Variants in STARD9 observed in about 807,000 individuals in gnomAD.
STARD9 encodes the protein StAR related lipid transfer domain containing 9.
A neutral mutation model predicts 399.8 loss-of-function variants in STARD9; 346 were observed. The ratio of observed to expected loss-of-function variants is 0.87; its 90% CI spans 0.79 to 0.95. The LOEUF is 0.95. Ranked by LOEUF, STARD9 falls within the 40% of genes least tolerant of loss-of-function variation. STARD9 has a pLI of 0.00. For missense variants in STARD9, 5,832 were observed against 5,667.5 expected (o/e 1.03, Z -0.93); for synonymous variants, 2,203 against 2,143.5 (o/e 1.03, Z -0.77).
At position 42,638,811 on chromosome 15, in the gene STARD9, A is replaced by C; in HGVS notation, c.558A>C (p.Gln186His). Residue 186 changes from glutamine (Q) to histidine (H), a missense_variant and splice_region_variant, in exon 7 of 33, where the codon CAA (glutamine) becomes CAC (histidine). Gln to His is a conservative substitution (Grantham distance 24). Around this residue, in one of 2 missense-constraint regions of STARD9, gnomAD observed 5,828 missense variants for 5,651.1 expected, o/e 1.03. Coordinates refer to ENST00000290607, the MANE Select transcript of STARD9 (RefSeq NM_020759.3). ...ATCCAGAGATGGGGCCCTATGTACA[A>C]GGTGAGCTACTGTGGTCCTGGAGAT... ...REHPEMGPYVQGLSQHVVTNY... is the reference protein window; with the variant it reads ...REHPEMGPYVHGLSQHVVTNY... The C allele has an allele frequency of 1.3e-6, 2 of 1,520,846 alleles. No individual in the cohort carries two copies. Among genetic ancestry groups the C allele is most frequent in the Non-Finnish European group, 1.8e-6 (2 of 1,135,016 alleles). 94.2% of individuals were successfully genotyped at this position (1,520,846 alleles called of 1,614,324 possible). A position where few individuals can be genotyped will look rare whatever the true frequency, so the allele number is the denominator to read the frequency against.
At chr15:42,676,804 C>T (rs1436693111) in intron 20 of STARD9, among the ~76,000 whole-genome samples, 1 of 152,134 alleles carries the variant, frequency 6.6e-6, no homozygotes, top group Non-Finnish European at 1.5e-5. Flanking sequence ...GGCTGCCAAA[C>T]ACCTTGAGCA....
intron 3 of STARD9, among the ~76,000 whole-genome samples, chr15:42,634,560 T>C (rs1279365662): frequency 6.6e-6 from 1 of 152,236 alleles, no homozygotes; most frequent in South Asian, 2.1e-4. Flanking sequence ...TGCATATCTT[T>C]GCTCTTCTAC....
At chr15:42,642,146 C>A (rs1234787637) in intron 7 of STARD9, among the ~76,000 whole-genome samples, 1 of 152,194 alleles carries the variant, frequency 6.6e-6, no homozygotes, top group Admixed American at 6.5e-5. Context: ...AAAGTGGTTT[C>A]TGGCATGAAA....
In STARD9 at chr15:42,690,657, C is replaced by G. The variant is rs1346286437; in HGVS notation, c.9079C>G (p.Pro3027Ala). 4.6e-6 allele frequency: 7 copies of G among 1,537,162 alleles called. No individual in the cohort carries two copies. Among genetic ancestry groups the G allele is most frequent in the Non-Finnish European group, 6.1e-6 (7 of 1,146,892 alleles). The change falls in exon 23 of 33, where the codon CCC becomes GCC. Residue 3027 changes from proline (P) to alanine (A), a missense_variant. Transcript: ENST00000290607. Reference sequence around the variant, plus strand: ...TGTGCACTTGACACATGGCCTTGAGCCCAAAGATGTTAACAGGGAATTTAG... The same window carrying G: ...TGTGCACTTGACACATGGCCTTGAGGCCAAAGATGTTAACAGGGAATTTAG... Reference protein sequence around the residue: ...PDVHLTHGLEPKDVNREFRLT... With the variant: ...PDVHLTHGLEAKDVNREFRLT...
In STARD9 at chr15:42,718,118, G is replaced by A; in HGVS notation, c.13701G>A (p.Leu4567=). The part of the protein sequence containing the change: ...AAVSDPTVWP[L]YYKPIQTARL... The stretch of plus-strand genomic sequence containing the variant: ...TCAGTGACCCCACTGTGTGGCCCCT[G>A]TATTACAAGCCCATCCAGACAGCAA... The change falls in exon 30 of 33, where the codon CTG becomes CTA. Residue 4567 remains leucine (L), a synonymous_variant. Coordinates refer to ENST00000290607, the MANE Select transcript of STARD9 (RefSeq NM_020759.3). The A allele has an allele frequency of 6.5e-7, 1 of 1,537,288 alleles. No homozygotes were observed. Among genetic ancestry groups the A allele is most frequent in the Non-Finnish European group, 8.7e-7 (1 of 1,146,928 alleles).
In STARD9 at chr15:42,575,733, C is replaced by T. The variant is rs1305427512; in HGVS notation, c.18C>T (p.Val6=). 2.0e-6 allele frequency: 3 copies of T among 1,536,630 alleles called. No individual in the cohort carries two copies. Among genetic ancestry groups the T allele is most frequent in the Non-Finnish European group, 2.6e-6 (3 of 1,146,800 alleles). Residue 6 remains valine (V), a synonymous_variant, in exon 1 of 33, where the codon GTC becomes GTT. Coordinates refer to ENST00000290607, the MANE Select transcript of STARD9 (RefSeq NM_020759.3). Reference sequence around the variant, plus strand: ...GCAGACGGATGGCGAACGTGCAGGTCGCCGTGCGGGTCCGGCCGCTCAGCA... The same window carrying T: ...GCAGACGGATGGCGAACGTGCAGGTTGCCGTGCGGGTCCGGCCGCTCAGCA... The part of the protein sequence containing the change: MANVQ[V]AVRVRPLSKR...
At position 42,691,795 on chromosome 15, in the gene STARD9, C is replaced by T. The variant is rs1475771989; in HGVS notation, c.10217C>T (p.Pro3406Leu). Residue 3406 changes from proline (P) to leucine (L), a missense_variant, in exon 23 of 33, where the codon CCT becomes CTT. Transcript: ENST00000290607. Reference protein sequence around the residue: ...DHRHLKPATPPYPMPSTLSHM... With the variant: ...DHRHLKPATPLYPMPSTLSHM... Reference sequence around the variant, plus strand: ...AGGCACCTGAAGCCTGCCACCCCTCCTTATCCAATGCCTTCCACTCTCTCA... The same window carrying T: ...AGGCACCTGAAGCCTGCCACCCCTCTTTATCCAATGCCTTCCACTCTCTCA... 2 of 1,537,290 alleles carry T rather than the reference C, an allele frequency of 1.3e-6. No individual in the cohort carries two copies. The highest frequency in any genetic ancestry group is 1.7e-6 in the Non-Finnish European group (2 of 1,146,916).
At chr15:42,579,773 G>C (rs1265771346) in intron 1 of STARD9, among the ~76,000 whole-genome samples, 1 of 152,114 alleles carries the variant, frequency 6.6e-6, no homozygotes, top group African/African-American at 2.4e-5. Flanking sequence ...CAAAACATAA[G>C]AAACTGCAAT....
In STARD9 at chr15:42,638,752, C is replaced by A; in HGVS notation, c.499C>A (p.Gln167Lys). 6.5e-7 allele frequency: 1 copy of A among 1,536,206 alleles called. No individual in the cohort carries two copies. Among genetic ancestry groups the A allele is most frequent in the South Asian group, 1.2e-5 (1 of 83,930 alleles). The change falls in exon 7 of 33, where the codon CAA (glutamine) becomes AAA (lysine). Residue 167 changes from glutamine to lysine, a missense_variant. Around this residue, in one of 2 missense-constraint regions of STARD9, gnomAD observed 5,828 missense variants for 5,651.1 expected, o/e 1.03. Transcript: ENST00000290607. ...RVRDLLKQSG[Q>K]KKSYTLRVRE... is the part of the protein sequence containing the mutation. ...GCGGGATCTGTTGAAGCAATCTGGT[C>A]AAAAAAAGTCCTATACCCTGCGGGT...
At chr15:42,636,232 G>A (rs2059415985) in intron 4 of STARD9, among the ~76,000 whole-genome samples, 1 of 152,116 alleles carries the variant, frequency 6.6e-6, no homozygotes, top group Non-Finnish European at 1.5e-5. Context: ...GGAGGTTGAG[G>A]CTGCAGTGAT....
chr15:42,647,644 A>T (rs990545271), intron 7 of STARD9, among the ~76,000 whole-genome samples: 1 of 151,960 alleles, frequency 6.6e-6, no homozygotes, highest in Non-Finnish European at 1.5e-5. Flanking sequence ...TTTTTATTTT[A>T]AAAAATTTTC....
rs553536668 is a variant in STARD9, at chr15:42,665,341, A to T, written c.1254+11A>T. 6.5e-7 allele frequency: 1 copy of T among 1,533,848 alleles called. No individual in the cohort carries two copies. The highest frequency in any genetic ancestry group is 8.7e-7 in the Non-Finnish European group (1 of 1,144,070). On this transcript the variant is annotated intron_variant, in intron 14 of 32. Transcript: ENST00000290607. ...CTGAGCTTTGAACTGGTATGCAGAC[A>T]GTCAGAACCTTTCCGTACTTAAGTG...
In STARD9 at chr15:42,694,562, C is replaced by G. The variant is rs373491348; in HGVS notation, c.12799C>G (p.Arg4267Gly). The change falls in exon 24 of 33, where the codon CGG becomes GGG. Residue 4267 changes from arginine to glycine, a missense_variant. Physicochemically the swap from Arg to Gly is moderately radical, Grantham distance 125. Coordinates refer to ENST00000290607, the MANE Select transcript of STARD9 (RefSeq NM_020759.3). ...KKAIETLRRE[R>G]AERLGNFCRT... The stretch of plus-strand genomic sequence containing the variant: ...GGCCATTGAGACCCTCAGGAGAGAG[C>G]GGGCTGAGCGACTTGGGAACTTCTG... 1 of 1,537,158 alleles carries G rather than the reference C, an allele frequency of 6.5e-7. No homozygotes were observed. Among genetic ancestry groups the G allele is most frequent in the South Asian group, 1.2e-5 (1 of 84,044 alleles).
At position 42,716,686 on chromosome 15, in the gene STARD9, A is replaced by G. The variant is rs868042277; in HGVS notation, c.13294A>G (p.Asn4432Asp). ...LQFPENMGHT[N>D]LPDSRDVWIG... Reference sequence around the variant, plus strand: ...ATCCTCTCTTCTGCAGGGGCATACAAACTTGCCTGATTCCAGGGATGTATG... The same window carrying G: ...ATCCTCTCTTCTGCAGGGGCATACAGACTTGCCTGATTCCAGGGATGTATG... The change falls in exon 27 of 33, where the codon AAC (asparagine) becomes GAC (aspartate). Residue 4432 changes from asparagine to aspartate, a missense_variant. Physicochemically the swap from Asn to Asp is conservative, Grantham distance 23 (BLOSUM62 1). Coordinates refer to ENST00000290607, the MANE Select transcript of STARD9 (RefSeq NM_020759.3). 3.3e-6 allele frequency: 5 copies of G among 1,535,408 alleles called. No individual in the cohort carries two copies. Among genetic ancestry groups the G allele is most frequent in the Admixed American group, 2.0e-5 (1 of 50,976 alleles).
chr15:42,692,524 G>A lies in STARD9; in HGVS notation c.10946G>A (p.Arg3649His), dbSNP rs368592580. 221 of 1,537,012 alleles carry A rather than the reference G, an allele frequency of 1.4e-4. No individual in the cohort carries two copies. The highest frequency in any genetic ancestry group is 9.2e-4 in the African/African-American group (67 of 73,026). Residue 3649 changes from arginine (R) to histidine (H), a missense_variant, in exon 23 of 33, where the codon CGC (arginine) becomes CAC (histidine). Arg to His is a conservative substitution (Grantham distance 29). Transcript: ENST00000290607. ...EQGTQTLGSRRHWSSTDISFA... is the reference protein window; with the variant it reads ...EQGTQTLGSRHHWSSTDISFA... ...GGCACACAGACCCTCGGCAGCAGGCGCCACTGGAGCAGCACTGACATCTCC... is the reference window on the plus strand; with the variant it reads ...GGCACACAGACCCTCGGCAGCAGGCACCACTGGAGCAGCACTGACATCTCC...
At chr15:42,665,656 C>T in intron 14 of STARD9, 130 bp from the exon 15 acceptor site, 1 of 769,920 alleles carries the variant, frequency 1.3e-6, no homozygotes, top group Middle Eastern at 2.8e-4. Flanking sequence ...TACTTAGGCT[C>T]CTGATTTCTT....
chr15:42,609,728 G>A (rs1467909746), intron 3 of STARD9, among the ~76,000 whole-genome samples: 1 of 151,574 alleles, frequency 6.6e-6, no homozygotes, highest in African/African-American at 2.4e-5. Flanking sequence ...GTGAGCCACC[G>A]TGCCCAGCCC....
Position 42,685,148 on chromosome 15 carries a change from A to G in STARD9, c.3570A>G (p.Ser1190=). The part of the protein sequence containing the change: ...RASVRGFTAA[S]DSDLLAQTHR... ...CTGTGAGGGGCTTCACTGCAGCCTC[A>G]GACAGTGACCTACTTGCTCAAACTC... The change falls in exon 23 of 33, where the codon TCA becomes TCG. Residue 1190 remains serine (S), a synonymous_variant. Transcript: ENST00000290607. 6.5e-7 allele frequency: 1 copy of G among 1,537,236 alleles called. No homozygotes were observed. The highest frequency in any genetic ancestry group is 1.2e-5 in the South Asian group (1 of 84,060).
At chr15:42,612,990 GAAAAA>G (rs60332578) in intron 3 of STARD9, among the ~76,000 whole-genome samples, 21 of 119,294 alleles carry the variant, frequency 1.8e-4, no homozygotes, top group Non-Finnish European at 2.5e-4. Context: ...TCTCAGAGGG[GAAAAA>G]AAAAAAAAAA....
Sources: gnomAD v4.1 joint callset for allele counts (sites outside exome capture counted in the v4.1 genomes callset) on GRCh38, gnomAD v4.1.1 for gene constraint, gnomAD v4.1.1 regional missense constraint, MANE v1.5 for transcripts, NCBI Gene and HGNC (gene_info 2026-07-23, HGNC 2026-07-21) for gene names.